The following ZNF540 variants were observed in gnomAD, a reference collection of about 807,000 sequenced individuals.
The protein encoded by ZNF540 is CTD-3064H18.6.
In ZNF540, 3 loss-of-function variants were observed where a neutral mutation model predicts 11.8. That is an observed-to-expected ratio of 0.25 (90% CI 0.12 to 0.65). The LOEUF (loss-of-function observed/expected upper bound fraction) is 0.65, where lower values mean the gene tolerates loss of function less well. Ranked by LOEUF, ZNF540 falls within the 30% of genes least tolerant of loss-of-function variation. The pLI is 0.83. For missense variants in ZNF540, 709 were observed against 793.1 expected, an observed-to-expected ratio of 0.89 and a Z score of 1.27; for synonymous variants, 247 against 259.0, an observed-to-expected ratio of 0.95 and a Z score of 0.45.
chr19:37,575,339 T>C (rs934038103), intron 1 of ZNF540, among the ~76,000 whole-genome samples: 14 of 152,212 alleles, frequency 9.2e-5, no homozygotes, highest in African/African-American at 3.4e-4. Context: ...ATACATGAAA[T>C]TACAAACAGT....
At position 37,613,567 on chromosome 19, in the gene ZNF540, T is replaced by A. The variant is rs2044150112; in HGVS notation, c.*304T>A. On this transcript the variant is annotated 3_prime_UTR_variant, in exon 5 of 5. Transcript: ENST00000316433. ...GCTTCTTGGTACCTCAGCTGTAAAA[T>A]GAAACACACCTAAAAGTGTGGTTGT... The A allele has an allele frequency of 2.5e-6, 1 of 397,068 alleles. No homozygotes were observed. The highest frequency in any genetic ancestry group is 2.1e-5 in the African/African-American group (1 of 48,506). The allele number at this position is 397,068 out of a possible 1,614,324, so 24.6% of individuals were successfully genotyped here.
intron 1 of ZNF540, among the ~76,000 whole-genome samples, chr19:37,574,682 T>C (rs2043183614): frequency 6.6e-6 from 1 of 152,180 alleles, no homozygotes; most frequent in Non-Finnish European, 1.5e-5. Flanking sequence ...AGCACCAGTT[T>C]TAGTAGATAT....
Position 37,601,049 on chromosome 19 carries a change from A to G in ZNF540, c.176A>G (p.Glu59Gly), listed in dbSNP as rs766601192. The G allele has an allele frequency of 4.4e-6, 7 of 1,592,290 alleles. No individual in the cohort carries two copies. The East Asian group carries it at 1.4e-4, about 31-fold the overall frequency. ...GSKPDVITLL[E>G]QGKEPCVVAR... Reference sequence around the variant, plus strand: ...AAGCCAGATGTGATTACCTTACTGGAGCAAGGGAAAGAGCCCTGCGTGGTG... The same window carrying G: ...AAGCCAGATGTGATTACCTTACTGGGGCAAGGGAAAGAGCCCTGCGTGGTG... Residue 59 changes from glutamate to glycine, a missense_variant, in exon 4 of 5, where the codon GAG becomes GGG. Physicochemically the swap from Glu to Gly is moderately conservative, Grantham distance 98. Coordinates refer to ENST00000316433, the MANE Select transcript of ZNF540 (RefSeq NM_001172225.3).
upstream of ZNF540, among the ~76,000 whole-genome samples, chr19:37,592,345 A>C (rs1347366418): frequency 6.6e-6 from 1 of 152,200 alleles, no homozygotes; most frequent in Non-Finnish European, 1.5e-5. Context: ...TTTCACGGTC[A>C]TATCCCTAGG....
chr19:37,607,033 A>G (rs908660427), intron 4 of ZNF540, among the ~76,000 whole-genome samples: 5 of 152,034 alleles, frequency 3.3e-5, no homozygotes, highest in African/African-American at 1.2e-4. Context: ...AGTTCTTTAT[A>G]TATCTTATAA....
intron 4 of ZNF540, among the ~76,000 whole-genome samples, chr19:37,603,858 T>C (rs773575235): frequency 6.6e-6 from 1 of 152,216 alleles, no homozygotes; most frequent in Non-Finnish European, 1.5e-5. Context: ...GATTCCTCTA[T>C]ATCAAGCCAA....
intron 1 of ZNF540, among the ~76,000 whole-genome samples, chr19:37,597,911 G>C (rs1361404307): frequency 2.6e-5 from 4 of 152,264 alleles, no homozygotes; most frequent in African/African-American, 9.6e-5. Context: ...GGGCGGGCCA[G>C]ATTTGGCCCA....
chr19:37,568,244 A>C (rs996966277), intron 1 of ZNF540, among the ~76,000 whole-genome samples: 13 of 152,190 alleles, frequency 8.5e-5, no homozygotes, highest in African/African-American at 2.9e-4. Flanking sequence ...GTCTTTTAGA[A>C]ATAAGCCTCC....
intron 1 of ZNF540, among the ~76,000 whole-genome samples, chr19:37,557,637 G>A (rs1313482810): frequency 1.3e-5 from 2 of 152,152 alleles, no homozygotes; most frequent in Admixed American, 6.5e-5. Flanking sequence ...CTTGAAGATC[G>A]GATGGGCCAG....
intron 1 of ZNF540, chr19:37,565,123 A>ACTAAGTTGT (rs1195628468): frequency 1.2e-6 from 2 of 1,613,216 alleles, no homozygotes; most frequent in African/African-American, 2.7e-5. Flanking sequence ...TCTGATGTTC[A>ACTAAGTTGT]CTAAGTTGTT....
At chr19:37,561,664 T>C (rs2042719023) in intron 1 of ZNF540, among the ~76,000 whole-genome samples, 1 of 152,254 alleles carries the variant, frequency 6.6e-6, no homozygotes, top group South Asian at 2.1e-4. Flanking sequence ...CCGCTCTACG[T>C]ATTTTGGGAA....
At chr19:37,599,513 C>G in intron 2 of ZNF540, 113 bp from the exon 3 acceptor site, 1 of 1,262,680 alleles carries the variant, frequency 7.9e-7, no homozygotes, top group East Asian at 2.4e-5. Context: ...TCAGCCCCAG[C>G]CTAGAGTTTA....
intron 1 of ZNF540, chr19:37,586,977 C>T: frequency 2.6e-6 from 1 of 382,666 alleles, no homozygotes; most frequent in Non-Finnish European, 4.6e-6. Context: ...TCCTCTTCCA[C>T]AGTAGAACAG....
Position 37,598,373 on chromosome 19 carries a change from C to G in ZNF540, c.-72-3C>G. ...TGTCTCATTTTTTTCTCCTCTAACTCAGGCTTCTCAGAACTTTGCTTCTCC... is the reference window on the plus strand; with the variant it reads ...TGTCTCATTTTTTTCTCCTCTAACTGAGGCTTCTCAGAACTTTGCTTCTCC... On this transcript the variant is annotated splice_region_variant and splice_polypyrimidine_tract_variant and intron_variant, in intron 1 of 4. Transcript: ENST00000316433. 1.3e-6 allele frequency: 2 copies of G among 1,547,330 alleles called. No homozygotes were observed. The highest frequency in any genetic ancestry group is 1.7e-5 in the Admixed American group (1 of 57,990).
rs138899093 is a variant in ZNF540, at chr19:37,552,979, A to G, written c.-73+1314A>G. 3.9e-3 allele frequency among the ~76,000 whole-genome samples: 569 copies of G among 147,402 alleles called. 6 individuals carry two copies. Among genetic ancestry groups the G allele is most frequent in the African/African-American group, 0.014 (539 of 39,862 alleles). On this transcript the variant is annotated intron_variant, in intron 1 of 4. Transcript: ENST00000592533. ...AAAAGACAATTTGTTTTATGTTCACATAGCCATTTTGGTATAGTGTTTGCA... is the reference window on the plus strand; with the variant it reads ...AAAAGACAATTTGTTTTATGTTCACGTAGCCATTTTGGTATAGTGTTTGCA...
chr19:37,589,696 T>C (rs949742977), intron 1 of ZNF540, among the ~76,000 whole-genome samples: 7 of 151,264 alleles, frequency 4.6e-5, no homozygotes, highest in African/African-American at 1.7e-4. Flanking sequence ...GAAGCAGTAT[T>C]CCTACAAAAA....
At chr19:37,596,571 T>A (rs1407998008) in intron 1 of ZNF540, among the ~76,000 whole-genome samples, 1 of 152,214 alleles carries the variant, frequency 6.6e-6, no homozygotes, top group Non-Finnish European at 1.5e-5. Flanking sequence ...CTAATTTATG[T>A]TTGTATCTAG....
At chr19:37,596,404 G>A (rs1751964375) in intron 1 of ZNF540, among the ~76,000 whole-genome samples, 2 of 152,166 alleles carry the variant, frequency 1.3e-5, no homozygotes, top group Admixed American at 1.3e-4. Flanking sequence ...CTGGGTTCAA[G>A]GGATCCTCCA....
At chr19:37,561,151 G>A (rs2042713637) in intron 1 of ZNF540, among the ~76,000 whole-genome samples, 1 of 151,910 alleles carries the variant, frequency 6.6e-6, no homozygotes, top group Non-Finnish European at 1.5e-5. Context: ...TGAAGCAGGA[G>A]GATCACTTGA....
Sources: allele counts gnomAD v4.1 joint callset (sites outside exome capture counted in the v4.1 genomes callset), GRCh38; gene constraint gnomAD v4.1.1; transcripts MANE v1.5; gene names NCBI Gene and HGNC (gene_info 2026-07-23, HGNC 2026-07-21).